OR51B5: variants seen among roughly 807,000 people sequenced by gnomAD.
OR51B5 encodes olfactory receptor family 51 subfamily B member 5.
For synonymous variants in OR51B5, 186 were observed against 144.8 expected, an observed-to-expected ratio of 1.28 and a Z score of -2.04; for missense variants, 456 against 374.6, an observed-to-expected ratio of 1.22 and a Z score of -1.79.
At chr11:5,446,930 A>G (rs1850773777) in intron 1 of OR51B5, among the ~76,000 whole-genome samples, 1 of 152,236 alleles carries the variant, frequency 6.6e-6, no homozygotes, top group South Asian at 2.1e-4. Flanking sequence ...TGTACCTGCC[A>G]GAAGTAGTTC....
chr11:5,500,086 A>T (rs1455304513), intron 1 of OR51B5, among the ~76,000 whole-genome samples: 2 of 152,200 alleles, frequency 1.3e-5, no homozygotes, highest in Non-Finnish European at 2.9e-5. Flanking sequence ...CCATTTTGCA[A>T]AGGACACAGT....
At chr11:5,407,981 T>C (rs1850084815) in intron 1 of OR51B5, among the ~76,000 whole-genome samples, 1 of 152,146 alleles carries the variant, frequency 6.6e-6, no homozygotes. Flanking sequence ...ATATTCACTT[T>C]CAGTCTATAT....
At chr11:5,467,210 G>A (rs1211100401) in intron 1 of OR51B5, among the ~76,000 whole-genome samples, 1 of 152,036 alleles carries the variant, frequency 6.6e-6, no homozygotes, top group Non-Finnish European at 1.5e-5. Context: ...TCTCCAATTG[G>A]GGGCAAGATT....
At chr11:5,413,650 A>T (rs995354914) in intron 1 of OR51B5, among the ~76,000 whole-genome samples, 3 of 152,238 alleles carry the variant, frequency 2.0e-5, no homozygotes, top group African/African-American at 7.2e-5. Flanking sequence ...AAGTCTCAGG[A>T]GCCAATGCAA....
intron 1 of OR51B5, among the ~76,000 whole-genome samples, chr11:5,501,212 T>G (rs1423589756): frequency 6.8e-6 from 1 of 147,496 alleles, no homozygotes; most frequent in Non-Finnish European, 1.5e-5. Context: ...TCCTTACACC[T>G]GGGAGAAAAT....
At chr11:5,347,499 T>A (rs1849011640), upstream of OR51B5, among the ~76,000 whole-genome samples, 1 of 146,966 alleles carries the variant, frequency 6.8e-6, no homozygotes, top group Non-Finnish European at 1.5e-5. Flanking sequence ...CATCACATGG[T>A]GCTTCAGCCA....
intron 1 of OR51B5, chr11:5,423,120 A>G: frequency 6.2e-7 from 1 of 1,603,860 alleles, no homozygotes; most frequent in Non-Finnish European, 8.5e-7. Context: ...GGAATGTTAA[A>G]TTTCCTTTCC....
At chr11:5,358,707 C>T (rs557281051) in intron 1 of OR51B5, among the ~76,000 whole-genome samples, 1 of 151,952 alleles carries the variant, frequency 6.6e-6, no homozygotes, top group Non-Finnish European at 1.5e-5. Context: ...GAATTTTAGA[C>T]CAATATCCCT....
At chr11:5,357,119 C>G (rs554345613) in intron 1 of OR51B5, among the ~76,000 whole-genome samples, 1 of 152,124 alleles carries the variant, frequency 6.6e-6, no homozygotes, top group South Asian at 2.1e-4. Flanking sequence ...CAAATTCACA[C>G]ATAACAATAT....
At chr11:5,497,064 A>G (rs71459877) in intron 1 of OR51B5, among the ~76,000 whole-genome samples, 149,876 of 151,754 alleles carry the variant, frequency 0.99, 74,044 homozygotes, top group East Asian at 1. Context: ...AAAAAAAAAA[A>G]AGAGAGAGGA....
chr11:5,445,959 C>T (rs929582759), intron 1 of OR51B5, among the ~76,000 whole-genome samples: 1 of 151,956 alleles, frequency 6.6e-6, no homozygotes, highest in African/African-American at 2.4e-5. Context: ...TTTGTAGGGA[C>T]ATGGATGAAG....
At chr11:5,375,575 G>GCA (rs1191935856) in intron 1 of OR51B5, among the ~76,000 whole-genome samples, 2 of 152,016 alleles carry the variant, frequency 1.3e-5, no homozygotes, top group Admixed American at 6.6e-5. Context: ...CATCTCATGT[G>GCA]CACACACACA....
chr11:5,351,554 C>T (rs758568824), intron 1 of OR51B5: 3 of 1,613,824 alleles, frequency 1.9e-6, no homozygotes, highest in Admixed American at 1.7e-5. Flanking sequence ...ACTGGCTTCC[C>T]AGGCATGGAG....
chr11:5,454,131 TTCCTC>T, intron 1 of OR51B5: 4 of 1,614,226 alleles, frequency 2.5e-6, no homozygotes, highest in Non-Finnish European at 3.4e-6. Context: ...GTTTTTTATC[TTCCTC>T]TCCTATGTGC....
intron 1 of OR51B5, chr11:5,468,440 GCAA>G (rs1851171723): frequency 6.1e-6 from 2 of 326,950 alleles, no homozygotes; most frequent in Non-Finnish European, 6.0e-6. Context: ...CCAAACATCA[GCAA>G]CAACAAAGAA....
upstream of OR51B5, among the ~76,000 whole-genome samples, chr11:5,348,102 G>C (rs1214314022): frequency 6.7e-6 from 1 of 149,384 alleles, no homozygotes; most frequent in Non-Finnish European, 1.5e-5. Flanking sequence ...AAAAGTAATA[G>C]TGTTGTCTGC....
chr11:5,355,721 A>C (rs1327413891), intron 1 of OR51B5: 2 of 151,764 alleles, frequency 1.3e-5, no homozygotes, highest in East Asian at 3.9e-4. Context: ...GTGTCATTTC[A>C]AATAAACCTT....
At chr11:5,360,610 A>G (rs1287218632) in intron 1 of OR51B5, among the ~76,000 whole-genome samples, 2 of 152,138 alleles carry the variant, frequency 1.3e-5, no homozygotes, top group Non-Finnish European at 2.9e-5. Context: ...AGAACTAGAA[A>G]TACCATTTGA....
At chr11:5,364,820 C>T (rs911977164) in intron 1 of OR51B5, among the ~76,000 whole-genome samples, 1 of 152,198 alleles carries the variant, frequency 6.6e-6, no homozygotes, top group South Asian at 2.1e-4. Context: ...TGAAGCCAAC[C>T]TCACAGGACT....
Sources: allele counts gnomAD v4.1 joint callset (sites outside exome capture counted in the v4.1 genomes callset), GRCh38; gene constraint gnomAD v4.1.1; transcripts MANE v1.5; gene names NCBI Gene and HGNC (gene_info 2026-07-23, HGNC 2026-07-21).